The following ZNF778 variants were observed in gnomAD, a reference collection of about 807,000 sequenced individuals.
ZNF778 encodes zinc finger protein 778.
Under a neutral mutation model 23.9 loss-of-function variants are expected in ZNF778, and 37 were observed. The ratio of observed to expected loss-of-function variants is 1.54; its 90% CI spans 1.19 to 2.03. The LOEUF (loss-of-function observed/expected upper bound fraction) is 2.03, where lower values mean the gene tolerates loss of function less well. ZNF778 is among the 30% of genes most tolerant of loss of function. The probability of loss-of-function intolerance (pLI) is 0.00; values close to 1 mark genes in which losing one functional copy is unlikely to be tolerated. For synonymous variants in ZNF778, 483 were observed against 343.9 expected, an observed-to-expected ratio of 1.40 and a Z score of -4.48; for missense variants, 1,297 against 934.4, an observed-to-expected ratio of 1.39 and a Z score of -5.06.
Position 89,223,226 on chromosome 16 carries a change from C to T in ZNF778, c.187C>T (p.Gln63Ter). 3 of 1,614,094 alleles carry T rather than the reference C, an allele frequency of 1.9e-6. No individual in the cohort carries two copies. The highest frequency in any genetic ancestry group is 2.5e-6 in the Non-Finnish European group (3 of 1,179,996). Residue 63 changes from glutamine to a stop codon, truncating the protein, a stop_gained, in exon 4 of 7, where the codon CAG (glutamine) becomes TAG (stop). Transcript: ENST00000433976. LOFTEE classifies it high-confidence loss of function. Reference sequence around the variant, plus strand: ...GGAATGGACTTTACTGGACCCATCTCAGAGAGACCTCTACAGAGATGTGAT... The same window carrying T: ...GGAATGGACTTTACTGGACCCATCTTAGAGAGACCTCTACAGAGATGTGAT... ...QEEWTLLDPS[Q>*]RDLYRDVMLE...
In ZNF778 at chr16:89,227,323, C is replaced by G. The variant is rs200112538; in HGVS notation, c.1035C>G (p.Ala345=). 2.8e-5 allele frequency: 45 copies of G among 1,614,028 alleles called. No individual in the cohort carries two copies. In the African/African-American group the frequency reaches 5.3e-4, roughly 19 times the overall value. ...GTGAATGTAAAGAATGCGGAAAAGC[C>G]TTCACTGGACTCTCAGGTCTTTCTA... ...KPCECKECGK[A]FTGLSGLSKH... The change falls in exon 7 of 7, where the codon GCC becomes GCG. Residue 345 remains alanine (A), a synonymous_variant. Coordinates refer to ENST00000433976, the MANE Select transcript of ZNF778 (RefSeq NM_001201407.2).
chr16:89,218,863 T>G (rs1185398210), intron 1 of ZNF778, among the ~76,000 whole-genome samples: 1 of 151,590 alleles, frequency 6.6e-6, no homozygotes, highest in African/African-American at 2.4e-5. Flanking sequence ...ATCCTAGCAC[T>G]TTGGGAGGCC....
Position 89,224,051 on chromosome 16 carries a change from G to T in ZNF778, c.245-668G>T, listed in dbSNP as rs528648607. 3.2e-4 allele frequency among the ~76,000 whole-genome samples: 46 copies of T among 141,800 alleles called. 1 individual carries two copies. Among genetic ancestry groups the T allele is most frequent in the African/African-American group, 1.1e-3 (43 of 37,524 alleles). The allele number at this position is 141,800 out of a possible 152,430, so 93.0% of individuals were successfully genotyped here. On this transcript the variant is annotated intron_variant, in intron 4 of 6. Coordinates refer to ENST00000433976, the MANE Select transcript of ZNF778 (RefSeq NM_001201407.2). ...GGGAGGCCAGGCGCAGTGGCTTAGG[G>T]CTGTAATCCGAGCACTCTGGGAGGC... is the stretch of plus-strand genomic sequence containing the variant.
chr16:89,224,824 G>T (rs911202148), intron 5 of ZNF778, 22 bp downstream of exon 5: 4 of 1,481,912 alleles, frequency 2.7e-6, no homozygotes, highest in Non-Finnish European at 3.6e-6. Context: ...GAGCACGCCT[G>T]GTCGATGTCA....
rs1464517116 is a variant in ZNF778 at position 89,233,623 on chromosome 16, A to T, written c.*5061A>T. The stretch of plus-strand genomic sequence containing the variant: ...TCATACTGCATATGCAACTCAACTC[A>T]CACTGTATGCAACTCAGCTCGCTCT... On this transcript the variant is annotated 3_prime_UTR_variant, in exon 7 of 7. Coordinates refer to ENST00000433976, the MANE Select transcript of ZNF778 (RefSeq NM_001201407.2). 30 of 1,024,692 alleles carry T rather than the reference A, an allele frequency of 2.9e-5. No individual in the cohort carries two copies. The highest frequency in any genetic ancestry group is 3.7e-5 in the Non-Finnish European group (29 of 790,276). 63.5% of individuals were successfully genotyped at this position (1,024,692 alleles called of 1,614,324 possible).
At chr16:89,222,847 C>T (rs1031930457) in intron 3 of ZNF778, among the ~76,000 whole-genome samples, 3 of 152,106 alleles carry the variant, frequency 2.0e-5, no homozygotes, top group Non-Finnish European at 4.4e-5. Flanking sequence ...GCCCAGTGAG[C>T]GTGGTGAGAG....
rs1309229232 is a variant in ZNF778 at position 89,233,958 on chromosome 16, A to G, written c.*5396A>G. On this transcript the variant is annotated 3_prime_UTR_variant, in exon 7 of 7. Coordinates refer to ENST00000433976, the MANE Select transcript of ZNF778 (RefSeq NM_001201407.2). ...GTATGCCCTTGGGCCTGCTGGAAGT[A>G]TGCAGACTAGCCAGCCCCAGACTTC... The G allele has an allele frequency of 2.4e-6, 3 of 1,276,408 alleles. No homozygotes were observed. In the Admixed American group the frequency reaches 6.9e-5, roughly 29 times the overall value. 79.1% of individuals were successfully genotyped at this position (1,276,408 alleles called of 1,614,324 possible). A position where few individuals can be genotyped will look rare whatever the true frequency, so the allele number is the denominator to read the frequency against.
chr16:89,227,385 A>T lies in ZNF778; in HGVS notation c.1097A>T (p.Glu366Val). 6.2e-7 allele frequency: 1 copy of T among 1,613,996 alleles called. No homozygotes were observed. Among genetic ancestry groups the T allele is most frequent in the Non-Finnish European group, 8.5e-7 (1 of 1,179,868 alleles). Reference protein sequence around the residue: ...VQTDPGQKPYECKDCGKACGG... With the variant: ...VQTDPGQKPYVCKDCGKACGG... Reference sequence around the variant, plus strand: ...ACAGACCCTGGACAGAAGCCCTATGAATGTAAGGACTGTGGGAAAGCCTGC... The same window carrying T: ...ACAGACCCTGGACAGAAGCCCTATGTATGTAAGGACTGTGGGAAAGCCTGC... The change falls in exon 7 of 7, where the codon GAA (glutamate) becomes GTA (valine). Residue 366 changes from glutamate (E) to valine (V), a missense_variant. Coordinates refer to ENST00000433976, the MANE Select transcript of ZNF778 (RefSeq NM_001201407.2).
rs1430426998 is a variant in ZNF778 at position 89,233,754 on chromosome 16, C to G, written c.*5192C>G. 3.4e-6 allele frequency: 4 copies of G among 1,185,924 alleles called. 1 individual carries two copies. The highest frequency in any genetic ancestry group is 5.9e-5 in the East Asian group (1 of 16,926). The allele number at this position is 1,185,924 out of a possible 1,614,324, so 73.5% of individuals were successfully genotyped here. ...CTCGCACTGCATATGCAACTCAACT[C>G]GCACTGCGTATGCAACTCAACTCGC... is the stretch of plus-strand genomic sequence containing the variant. On this transcript the variant is annotated 3_prime_UTR_variant, in exon 7 of 7. Transcript: ENST00000433976.
rs2031921511 is a variant in ZNF778 at position 89,231,474 on chromosome 16, C to T, written c.*2912C>T. The stretch of plus-strand genomic sequence containing the variant: ...GCACAGACCTCAATTAAGACGACTA[C>T]CCCTCCGACGACTCCCCCTCCCTTC... On this transcript the variant is annotated 3_prime_UTR_variant, in exon 7 of 7. Coordinates refer to ENST00000433976, the MANE Select transcript of ZNF778 (RefSeq NM_001201407.2). The T allele has an allele frequency of 6.6e-6, 1 of 152,234 alleles. No homozygotes were observed. Among genetic ancestry groups the T allele is most frequent in the Non-Finnish European group, 1.5e-5 (1 of 68,068 alleles). The allele number at this position is 152,234 out of a possible 1,614,324, so 9.4% of individuals were successfully genotyped here.
At position 89,235,032 on chromosome 16, in the gene ZNF778, C is replaced by T. The variant is rs944959651; in HGVS notation, c.*6470C>T. The T allele has an allele frequency of 6.6e-6, 1 of 152,162 alleles. No homozygotes were observed. Among genetic ancestry groups the T allele is most frequent in the African/African-American group, 2.4e-5 (1 of 41,432 alleles). The allele number at this position is 152,162 out of a possible 1,614,324, so 9.4% of individuals were successfully genotyped here. On this transcript the variant is annotated 3_prime_UTR_variant, in exon 7 of 7. Transcript: ENST00000433976. ...CCTTAAATATGCTGTACTATTTTGG[C>T]TTCCACAGTTTCTATGTTTTATCCC...
chr16:89,225,737 A>G (rs2031419811), intron 6 of ZNF778, 106 bp downstream of exon 6: 2 of 1,043,016 alleles, frequency 1.9e-6, no homozygotes, highest in East Asian at 5.6e-5. Context: ...AGCAGGATTC[A>G]CTCAGGCAGG....
chr16:89,227,227 ATG>A lies in ZNF778; in HGVS notation c.942_943del (p.Cys314TrpfsTer24), dbSNP rs1332599817. 1 of 1,613,468 alleles carries A rather than the reference ATG, an allele frequency of 6.2e-7. No individual in the cohort carries two copies. Among genetic ancestry groups the A allele is most frequent in the Non-Finnish European group, 8.5e-7 (1 of 1,179,482 alleles). On this transcript the variant is annotated frameshift_variant, in exon 7 of 7. Coordinates refer to ENST00000433976, the MANE Select transcript of ZNF778 (RefSeq NM_001201407.2). LOFTEE classifies it low-confidence loss of function (END_TRUNC). ...GGGAAAAGCCCTGTGAATTGGAAGA[ATG>A]TGGAAAAGCCTCCCCTGTTTCTTCC... is the stretch of plus-strand genomic sequence containing the variant. The part of the protein sequence containing the change: ...PGEKPCELEE[C>X]GKASPVSSSL...
Position 89,223,181 on chromosome 16 carries a change from G to T in ZNF778, c.142G>T (p.Ala48Ser), listed in dbSNP as rs768486240. The change falls in exon 4 of 7, where the codon GCT becomes TCT. Residue 48 changes from alanine to serine, a missense_variant. Physicochemically the swap from Ala to Ser is moderately conservative, Grantham distance 99 (BLOSUM62 1). Coordinates refer to ENST00000433976, the MANE Select transcript of ZNF778 (RefSeq NM_001201407.2). ...YQDAVTFDDV[A>S]VDFTQEEWTL... ...GGACGCGGTGACCTTTGACGACGTG[G>T]CTGTGGACTTCACCCAGGAGGAATG... 5 of 1,613,898 alleles carry T rather than the reference G, an allele frequency of 3.1e-6. No homozygotes were observed. Among genetic ancestry groups the T allele is most frequent in the Non-Finnish European group, 4.2e-6 (5 of 1,179,936 alleles).
rs887566074 is a variant in ZNF778 at position 89,229,797 on chromosome 16, CTGGT to C, written c.*1241_*1244del. 2 of 984,672 alleles carry C rather than the reference CTGGT, an allele frequency of 2.0e-6. No individual in the cohort carries two copies. The highest frequency in any genetic ancestry group is 3.5e-5 in the African/African-American group (2 of 56,952). 61.0% of individuals were successfully genotyped at this position (984,672 alleles called of 1,614,324 possible). The stretch of plus-strand genomic sequence containing the variant: ...TGTGATTCTGTGAGCAGTGTAGGCT[CTGGT>C]TGGTTAGTCTTAGGTATCCAGATGT... On this transcript the variant is annotated 3_prime_UTR_variant, in exon 7 of 7. Coordinates refer to ENST00000433976, the MANE Select transcript of ZNF778 (RefSeq NM_001201407.2).
Position 89,230,167 on chromosome 16 carries a change from T to C in ZNF778, c.*1605T>C. On this transcript the variant is annotated 3_prime_UTR_variant, in exon 7 of 7. Coordinates refer to ENST00000433976, the MANE Select transcript of ZNF778 (RefSeq NM_001201407.2). ...TCTACATTTTATGAAAATGCCCTTG[T>C]TCCTCTCCCATACCTGATCCCTTCA... is the stretch of plus-strand genomic sequence containing the variant. The C allele has an allele frequency of 1.9e-6, 1 of 526,686 alleles. No individual in the cohort carries two copies. Among genetic ancestry groups the C allele is most frequent in the South Asian group, 8.4e-5 (1 of 11,844 alleles). 32.6% of individuals were successfully genotyped at this position (526,686 alleles called of 1,614,324 possible). A position where few individuals can be genotyped will look rare whatever the true frequency, so the allele number is the denominator to read the frequency against.
chr16:89,233,563 A>G lies in ZNF778; in HGVS notation c.*5001A>G, dbSNP rs1020976415. On this transcript the variant is annotated 3_prime_UTR_variant, in exon 7 of 7. Transcript: ENST00000433976. ...TGCAAATCAACTCACTGCATATGCAACTCAGCTCGCACTGCATATGCAACG... is the reference window on the plus strand; with the variant it reads ...TGCAAATCAACTCACTGCATATGCAGCTCAGCTCGCACTGCATATGCAACG... 1.3e-5 allele frequency: 17 copies of G among 1,280,582 alleles called. No individual in the cohort carries two copies. The highest frequency in any genetic ancestry group is 1.4e-5 in the Non-Finnish European group (14 of 985,782). 79.3% of individuals were successfully genotyped at this position (1,280,582 alleles called of 1,614,324 possible).
chr16:89,221,187 G>C, intron 2 of ZNF778, 35 bp downstream of exon 2: 1 of 1,502,964 alleles, frequency 6.7e-7, no homozygotes, highest in African/African-American at 1.5e-5. Flanking sequence ...CAGAGCCTCT[G>C]CTCTAGGTCC....
At position 89,233,592 on chromosome 16, in the gene ZNF778, C is replaced by G; in HGVS notation, c.*5030C>G. On this transcript the variant is annotated 3_prime_UTR_variant, in exon 7 of 7. Coordinates refer to ENST00000433976, the MANE Select transcript of ZNF778 (RefSeq NM_001201407.2). ...AGCTCGCACTGCATATGCAACGCAACTCAACTCATACTGCATATGCAACTC... is the reference window on the plus strand; with the variant it reads ...AGCTCGCACTGCATATGCAACGCAAGTCAACTCATACTGCATATGCAACTC... 8.8e-7 allele frequency: 1 copy of G among 1,137,124 alleles called. No homozygotes were observed. The highest frequency in any genetic ancestry group is 1.2e-6 in the Non-Finnish European group (1 of 866,550). The allele number at this position is 1,137,124 out of a possible 1,614,324, so 70.4% of individuals were successfully genotyped here. A position where few individuals can be genotyped will look rare whatever the true frequency, so the allele number is the denominator to read the frequency against.
Sources: gnomAD v4.1 joint callset for allele counts (sites outside exome capture counted in the v4.1 genomes callset) on GRCh38, gnomAD v4.1.1 for gene constraint, MANE v1.5 for transcripts, NCBI Gene and HGNC (gene_info 2026-07-23, HGNC 2026-07-21) for gene names.